Variants in TERF1 observed in about 807,000 individuals in gnomAD.
TERF1 encodes telomeric repeat-binding factor 1.
Under a neutral mutation model 55.1 loss-of-function variants are expected in TERF1, and 20 were observed. The observed-to-expected ratio is 0.36, with a 90% CI of 0.26 to 0.53. TERF1 has a LOEUF of 0.53. Among genes scored for constraint, TERF1 ranks in the 20% least tolerant of loss-of-function variants. The probability of loss-of-function intolerance (pLI) is 0.91; values close to 1 mark genes in which losing one functional copy is unlikely to be tolerated. For missense variants in TERF1, 439 were observed against 535.7 expected (o/e 0.82, Z 1.78); for synonymous variants, 168 against 181.2 (o/e 0.93, Z 0.59).
At chr8:73,037,087 AATAT>A (rs1586061272) in intron 8 of TERF1, among the ~76,000 whole-genome samples, 1 of 135,542 alleles carries the variant, frequency 7.4e-6, no homozygotes, top group Non-Finnish European at 1.5e-5. Flanking sequence ...TACTACATAT[AATAT>A]ATATCATATA....
chr8:73,034,509 C>T (rs1440931999), intron 8 of TERF1, among the ~76,000 whole-genome samples: 1 of 152,120 alleles, frequency 6.6e-6, no homozygotes, highest in Non-Finnish European at 1.5e-5. Context: ...AAGCAATCTG[C>T]TTGCTGTAAT....
chr8:73,043,842 T>C (rs1809928452), intron 9 of TERF1, among the ~76,000 whole-genome samples: 1 of 152,220 alleles, frequency 6.6e-6, no homozygotes, highest in Non-Finnish European at 1.5e-5. Flanking sequence ...ATGAAATTTG[T>C]CTAAACCACA....
intron 2 of TERF1, 52 bp downstream of exon 2, chr8:73,014,042 G>C (rs770483428): frequency 1.4e-6 from 2 of 1,438,134 alleles, no homozygotes; most frequent in Non-Finnish European, 2.0e-6. Context: ...TGTTTCTAAT[G>C]TAAGACAATG....
intron 9 of TERF1, 35 bp from the exon 10 acceptor site, chr8:73,045,926 T>A: frequency 7.0e-7 from 1 of 1,429,168 alleles, no homozygotes; most frequent in Non-Finnish European, 9.2e-7. Context: ...TGAATAATTG[T>A]TTCTGTAAAT....
intron 8 of TERF1, among the ~76,000 whole-genome samples, chr8:73,033,727 G>A (rs1485523994): frequency 1.3e-5 from 2 of 152,096 alleles, no homozygotes; most frequent in Non-Finnish European, 2.9e-5. Context: ...AGAAAACATG[G>A]TTTATCAGCA....
At chr8:73,023,532 C>T (rs1410720492) in intron 4 of TERF1, among the ~76,000 whole-genome samples, 1 of 152,112 alleles carries the variant, frequency 6.6e-6, no homozygotes, top group African/African-American at 2.4e-5. Flanking sequence ...GTATAACCCT[C>T]CAGAAATTTC....
At chr8:73,021,362 T>A (rs1214466886) in intron 3 of TERF1, among the ~76,000 whole-genome samples, 4 of 152,114 alleles carry the variant, frequency 2.6e-5, no homozygotes, top group Non-Finnish European at 4.4e-5. Flanking sequence ...AATTAGGACC[T>A]GAGGAAAAGA....
At chr8:73,018,571 G>T (rs891889603) in intron 2 of TERF1, among the ~76,000 whole-genome samples, 1 of 152,176 alleles carries the variant, frequency 6.6e-6, no homozygotes, top group African/African-American at 2.4e-5. Context: ...AGCTACTTGG[G>T]AGACTGAAAC....
At chr8:73,042,240 A>G (rs2129918340) in intron 9 of TERF1, among the ~76,000 whole-genome samples, 1 of 152,282 alleles carries the variant, frequency 6.6e-6, no homozygotes, top group African/African-American at 2.4e-5. Context: ...TTACAGATAT[A>G]TATGAGGAAA....
chr8:73,023,522 G>T (rs1276673531), intron 4 of TERF1, among the ~76,000 whole-genome samples: 1 of 152,138 alleles, frequency 6.6e-6, no homozygotes, highest in Non-Finnish European at 1.5e-5. Flanking sequence ...TGTACCTGGG[G>T]TATAACCCTC....
chr8:73,035,041 T>G (rs1457611133), intron 8 of TERF1, among the ~76,000 whole-genome samples: 1 of 152,174 alleles, frequency 6.6e-6, no homozygotes, highest in East Asian at 1.9e-4. Context: ...CATTTAATTT[T>G]TAATATGTAA....
rs535789379 is a variant in TERF1, at chr8:73,047,219, G to A, written c.*1082G>A. ...TTTTTTAAAAAAGAAAAAGACAATAGTATTACCCATGGGACAAAATTTGTA... is the reference window on the plus strand; with the variant it reads ...TTTTTTAAAAAAGAAAAAGACAATAATATTACCCATGGGACAAAATTTGTA... On this transcript the variant is annotated 3_prime_UTR_variant, in exon 10 of 10. Transcript: ENST00000276603. The A allele has an allele frequency of 6.6e-6, 1 of 152,036 alleles. No individual in the cohort carries two copies. Among genetic ancestry groups the A allele is most frequent in the South Asian group, 2.1e-4 (1 of 4,806 alleles). The allele number at this position is 152,036 out of a possible 1,614,324, so 9.4% of individuals were successfully genotyped here. A position where few individuals can be genotyped will look rare whatever the true frequency, so the allele number is the denominator to read the frequency against.
At chr8:73,042,555 C>T (rs1179188690) in intron 9 of TERF1, among the ~76,000 whole-genome samples, 1 of 151,996 alleles carries the variant, frequency 6.6e-6, no homozygotes, top group Non-Finnish European at 1.5e-5. Flanking sequence ...CCTTCCTCAT[C>T]AGAATTAAAG....
intron 7 of TERF1, chr8:73,030,812 A>G (rs1175375504): frequency 6.5e-6 from 1 of 153,388 alleles, no homozygotes; most frequent in Non-Finnish European, 1.5e-5. Context: ...GTGACAGACA[A>G]TACAACCTGT....
At position 73,016,679 on chromosome 8, in the gene TERF1, A is replaced by C. The variant is rs148882991; in HGVS notation, c.415+2689A>C. Among the ~76,000 whole-genome samples, 442 of 152,096 alleles carry C rather than the reference A, an allele frequency of 2.9e-3. 1 individual carries two copies. Among genetic ancestry groups the C allele is most frequent in the African/African-American group, 0.01 (423 of 41,466 alleles). On this transcript the variant is annotated intron_variant, in intron 2 of 9. Transcript: ENST00000276603. ...CTTGCCTTAAGTGATCCTCCCGCCT[A>C]GGCCTCCCAAAACTCTGGGAGACTT...
chr8:73,009,160 G>T lies in TERF1; in HGVS notation c.274G>T (p.Asp92Tyr). 6.2e-7 allele frequency: 1 copy of T among 1,611,150 alleles called. No homozygotes were observed. Among genetic ancestry groups the T allele is most frequent in the Non-Finnish European group, 8.5e-7 (1 of 1,179,854 alleles). Residue 92 changes from aspartate to tyrosine, a missense_variant, in exon 1 of 10, where the codon GAC becomes TAC. Coordinates refer to ENST00000276603, the MANE Select transcript of TERF1 (RefSeq NM_017489.3). Reference protein sequence around the residue: ...LCLSLCRAFRDGRSEDFRRTR... With the variant: ...LCLSLCRAFRYGRSEDFRRTR... Reference sequence around the variant, plus strand: ...CCTCTCTCTTTGCCGAGCTTTCCGCGACGGCCGCTCCGAGGACTTCCGCAG... The same window carrying T: ...CCTCTCTCTTTGCCGAGCTTTCCGCTACGGCCGCTCCGAGGACTTCCGCAG...
In TERF1 at chr8:73,020,397, G is replaced by T. The variant is rs575788905; in HGVS notation, c.416-287G>T. ...GACTTAGGAACCACTTAAGAATTCT[G>T]TTGCTATGACATGTTATGTAAAATA... is the stretch of plus-strand genomic sequence containing the variant. On this transcript the variant is annotated intron_variant, in intron 2 of 9. Transcript: ENST00000276603. Among the ~76,000 whole-genome samples the T allele has an allele frequency of 3.3e-5, 5 of 152,228 alleles. No homozygotes were observed. In the South Asian group the frequency reaches 1.0e-3, roughly 32 times the overall value.
intron 5 of TERF1, 49 bp downstream of exon 5, chr8:73,025,020 TATA>T: frequency 8.6e-7 from 1 of 1,164,678 alleles, no homozygotes; most frequent in Non-Finnish European, 1.2e-6. Context: ...AAGGAAACGT[TATA>T]ATAAAGGAGA....
chr8:73,041,791 G>C (rs55688729), intron 9 of TERF1, among the ~76,000 whole-genome samples: 1 of 152,094 alleles, frequency 6.6e-6, no homozygotes, highest in East Asian at 1.9e-4. Context: ...GACCTGGGGG[G>C]GCTCCTGGAG....
Sources: allele counts gnomAD v4.1 joint callset (sites outside exome capture counted in the v4.1 genomes callset), GRCh38; gene constraint gnomAD v4.1.1; transcripts MANE v1.5; gene names NCBI Gene and HGNC (gene_info 2026-07-23, HGNC 2026-07-21).